ANKRD42: variants seen among roughly 807,000 people sequenced by gnomAD.
ANKRD42 encodes ankyrin repeat domain 42.
ANKRD42 carries 43 observed loss-of-function variants against 51.5 expected under a neutral mutation model. The observed-to-expected ratio is 0.83, with a 90% CI of 0.65 to 1.08. The LOEUF (loss-of-function observed/expected upper bound fraction) is 1.08. Among genes scored for constraint, ANKRD42 ranks in the 50% least tolerant of loss-of-function variants. The pLI is 0.00. For missense variants in ANKRD42, 608 were observed against 629.3 expected (o/e 0.97, Z 0.36); for synonymous variants, 203 against 213.0 (o/e 0.95, Z 0.41).
At chr11:83,254,109 G>C (rs1340351933) in intron 11 of ANKRD42, among the ~76,000 whole-genome samples, 1 of 152,042 alleles carries the variant, frequency 6.6e-6, no homozygotes, top group African/African-American at 2.4e-5. Flanking sequence ...TGAGTAGCTG[G>C]GACTACAGGC....
downstream of ANKRD42, chr11:83,260,955 CTT>C (rs932092091): frequency 7.9e-5 from 12 of 152,178 alleles, no homozygotes; most frequent in African/African-American, 2.9e-4. Context: ...GATGGGTTAA[CTT>C]AAACTACATT....
chr11:83,227,674 T>C, intron 6 of ANKRD42, 73 bp from the exon 7 acceptor site: 1 of 1,484,214 alleles, frequency 6.7e-7, no homozygotes, highest in Non-Finnish European at 9.0e-7. Flanking sequence ...AAACCTGAAA[T>C]ATATGACAGC....
chr11:83,242,579 T>TTGTTTTTTTTTTTTTTTTTTTTTG (rs1863425322), intron 9 of ANKRD42, among the ~76,000 whole-genome samples: 1 of 146,542 alleles, frequency 6.8e-6, no homozygotes, highest in African/African-American at 2.5e-5. Context: ...TTTTTTTTTT[T>TTGTTTTTTTTTTTTTTTTTTTTTG]TTTTTTAGAT....
downstream of ANKRD42, chr11:83,261,852 A>C: frequency 7.9e-7 from 1 of 1,262,498 alleles, no homozygotes. Context: ...GTTCAAAGTA[A>C]ATCTCTCCCG....
Position 83,209,374 on chromosome 11 carries a change from C to A in ANKRD42, c.331-926C>A, listed in dbSNP as rs915959864. 5.9e-6 allele frequency: 9 copies of A among 1,535,834 alleles called. No homozygotes were observed. The African/African-American group carries it at 1.2e-4, about 21-fold the overall frequency. ...TTGCTTGGAGGTTGGCAGCGCGGGG[C>A]TGCAGGCTAGCAAACCGAGCGATCA... On this transcript the variant is annotated intron_variant, in intron 3 of 10. Transcript: ENST00000533342.
intron 9 of ANKRD42, among the ~76,000 whole-genome samples, chr11:83,243,747 C>T (rs1466403172): frequency 4.6e-5 from 7 of 151,804 alleles, no homozygotes; most frequent in Non-Finnish European, 8.8e-5. Flanking sequence ...CTGCAAGCTC[C>T]GCCTCCCGGG....
At chr11:83,195,171 G>T (rs1173338177) in intron 1 of ANKRD42, among the ~76,000 whole-genome samples, 2 of 152,006 alleles carry the variant, frequency 1.3e-5, no homozygotes, top group Non-Finnish European at 2.9e-5. Flanking sequence ...GCCATCATTG[G>T]TTCTCTTTTT....
chr11:83,262,103 C>A, downstream of ANKRD42: 1 of 571,202 alleles, frequency 1.8e-6, no homozygotes, highest in Non-Finnish European at 3.0e-6. Context: ...TTTTTATTCC[C>A]TAGACAATTA....
chr11:83,227,191 C>T (rs1862912905), intron 6 of ANKRD42, among the ~76,000 whole-genome samples: 1 of 152,148 alleles, frequency 6.6e-6, no homozygotes, highest in Admixed American at 6.5e-5. Flanking sequence ...TGGCTCACTG[C>T]AACCTCCACC....
In ANKRD42 at chr11:83,208,237, G is replaced by A. The variant is rs190834500; in HGVS notation, c.331-2063G>A. Among the ~76,000 whole-genome samples, 10 of 151,804 alleles carry A rather than the reference G, an allele frequency of 6.6e-5. No individual in the cohort carries two copies. In the East Asian group the frequency reaches 1.7e-3, roughly 26 times the overall value. Reference sequence around the variant, plus strand: ...TGGGAGGGGGGGGTCTCCCTATGTTGCCTAGGCTGGTCTTGAACTCCTGGG... The same window carrying A: ...TGGGAGGGGGGGGTCTCCCTATGTTACCTAGGCTGGTCTTGAACTCCTGGG... On this transcript the variant is annotated intron_variant, in intron 3 of 10. Transcript: ENST00000533342.
chr11:83,223,051 G>A (rs895758083), intron 5 of ANKRD42, among the ~76,000 whole-genome samples: 2 of 152,136 alleles, frequency 1.3e-5, no homozygotes, highest in African/African-American at 2.4e-5. Context: ...AGGAGTTTGA[G>A]ACCAGCCTGG....
chr11:83,251,684 C>T (rs1225051252), downstream of ANKRD42, among the ~76,000 whole-genome samples: 2 of 152,010 alleles, frequency 1.3e-5, no homozygotes, highest in South Asian at 2.1e-4. Flanking sequence ...TCTTTGAAAA[C>T]TTTTGATGAT....
intron 6 of ANKRD42, among the ~76,000 whole-genome samples, chr11:83,226,429 C>G (rs1862888212): frequency 6.6e-6 from 1 of 151,962 alleles, no homozygotes. Context: ...ACTTGGTTAC[C>G]AAAGAATTCA....
intron 2 of ANKRD42, among the ~76,000 whole-genome samples, chr11:83,205,628 T>G (rs1188330850): frequency 1.3e-5 from 2 of 152,246 alleles, no homozygotes; most frequent in Non-Finnish European, 2.9e-5. Context: ...TAACAATGTT[T>G]GCTCTGATGC....
intron 2 of ANKRD42, among the ~76,000 whole-genome samples, chr11:83,203,962 A>T: frequency 6.6e-6 from 1 of 151,974 alleles, no homozygotes; most frequent in East Asian, 1.9e-4. Context: ...TCTCTTTTCA[A>T]GACAGAGTCT....
intron 1 of ANKRD42, 44 bp downstream of exon 1, chr11:83,194,772 T>TTC: frequency 1.3e-6 from 2 of 1,525,344 alleles, no homozygotes; most frequent in Non-Finnish European, 1.8e-6. Context: ...CGTATTCCTT[T>TTC]TCTCACTTAA....
At chr11:83,196,741 T>TA (rs1284955559) in intron 1 of ANKRD42, among the ~76,000 whole-genome samples, 2 of 152,196 alleles carry the variant, frequency 1.3e-5, no homozygotes, top group Non-Finnish European at 1.5e-5. Context: ...ACACCAGACT[T>TA]ACGTTGAGTA....
At chr11:83,254,047 T>C (rs891428581) in intron 11 of ANKRD42, among the ~76,000 whole-genome samples, 16 of 152,212 alleles carry the variant, frequency 1.1e-4, no homozygotes, top group Non-Finnish European at 1.9e-4. Flanking sequence ...TGATCTTGGC[T>C]CACTGCAACC....
intron 7 of ANKRD42, among the ~76,000 whole-genome samples, chr11:83,234,118 G>T (rs187614262): frequency 1.6e-4 from 24 of 152,268 alleles, no homozygotes; most frequent in East Asian, 9.6e-4. Flanking sequence ...TGTGTTTCAA[G>T]AAATTTTTCA....
Sources: gnomAD v4.1 joint callset for allele counts (sites outside exome capture counted in the v4.1 genomes callset) on GRCh38, gnomAD v4.1.1 for gene constraint, MANE v1.5 for transcripts, NCBI Gene and HGNC (gene_info 2026-07-23, HGNC 2026-07-21) for gene names.